Variants in NXPE2 observed in about 807,000 individuals in gnomAD.
NXPE2 encodes NXPE family member 2.
A neutral mutation model predicts 34.4 loss-of-function variants in NXPE2; 34 were observed. The ratio of observed to expected loss-of-function variants is 0.99; its 90% CI spans 0.75 to 1.31. NXPE2 has a LOEUF of 1.31. Among genes scored for constraint, NXPE2 ranks in the 40% most tolerant of loss-of-function variants. The pLI, the probability that NXPE2 is intolerant of heterozygous loss-of-function variation, is 0.00. For missense variants in NXPE2, 649 were observed against 672.5 expected (o/e 0.97, Z 0.39); for synonymous variants, 235 against 231.3 (o/e 1.02, Z -0.15).
the NXPE2 span, among the ~76,000 whole-genome samples, chr11:114,723,198 A>G: frequency 6.6e-6 from 1 of 152,190 alleles, no homozygotes; most frequent in Non-Finnish European, 1.5e-5. Flanking sequence ...TATTTGTAAA[A>G]TTGTATTTCT....
At chr11:114,773,288 C>CACCCCG in the NXPE2 span, among the ~76,000 whole-genome samples, 13 of 95,868 alleles carry the variant, frequency 1.4e-4, 1 homozygote, top group Admixed American at 8.5e-4. Context: ...CACCCCCCCC[C>CACCCCG]CACCCCATTC....
chr11:114,787,907 C>T, the NXPE2 span, among the ~76,000 whole-genome samples: 1 of 152,152 alleles, frequency 6.6e-6, no homozygotes, highest in African/African-American at 2.4e-5. Flanking sequence ...GGACTCGGCT[C>T]TTTCCCGCTT....
chr11:114,745,998 C>T, the NXPE2 span, among the ~76,000 whole-genome samples: 38 of 151,940 alleles, frequency 2.5e-4, no homozygotes, highest in Non-Finnish European at 8.8e-5. Flanking sequence ...TAACATAATA[C>T]ATTTTGTATA....
chr11:114,523,587 C>T, the NXPE2 span, among the ~76,000 whole-genome samples: 1 of 152,170 alleles, frequency 6.6e-6, no homozygotes. Flanking sequence ...CCTAGCTTGA[C>T]AATTTTTTGT....
chr11:114,645,003 TATTAA>T, the NXPE2 span, among the ~76,000 whole-genome samples: 1 of 151,450 alleles, frequency 6.6e-6, no homozygotes, highest in South Asian at 2.1e-4. Context: ...TTATTCACAC[TATTAA>T]AAAAAAAAAC....
chr11:114,648,772 G>A, the NXPE2 span, among the ~76,000 whole-genome samples: 1 of 152,092 alleles, frequency 6.6e-6, no homozygotes, highest in African/African-American at 2.4e-5. Flanking sequence ...CTCCAGAAAA[G>A]GAGATAAAGT....
At chr11:114,484,569 GAT>G in the NXPE2 span, among the ~76,000 whole-genome samples, 2 of 152,046 alleles carry the variant, frequency 1.3e-5, no homozygotes, top group Non-Finnish European at 2.9e-5. Flanking sequence ...CTTGATTTAT[GAT>G]CTACAATATA....
chr11:114,628,105 G>A, the NXPE2 span, among the ~76,000 whole-genome samples: 1 of 147,816 alleles, frequency 6.8e-6, no homozygotes, highest in African/African-American at 2.6e-5. Context: ...ACATTAGACA[G>A]ATCAATGAGA....
At chr11:114,491,161 T>A in the NXPE2 span, among the ~76,000 whole-genome samples, 1 of 31,720 alleles carries the variant, frequency 3.2e-5, no homozygotes, top group African/African-American at 2.5e-4. Flanking sequence ...AGAGCGAGAC[T>A]CCGTCTCAAA....
chr11:114,613,641 T>C, the NXPE2 span, among the ~76,000 whole-genome samples: 1 of 151,904 alleles, frequency 6.6e-6, no homozygotes, highest in Non-Finnish European at 1.5e-5. Flanking sequence ...GGATAACAAG[T>C]GTTGCCTTTG....
chr11:114,468,351 G>A, the NXPE2 span, among the ~76,000 whole-genome samples: 1 of 152,124 alleles, frequency 6.6e-6, no homozygotes, highest in African/African-American at 2.4e-5. Flanking sequence ...CCCAGGGTAA[G>A]TATGGCCACA....
the NXPE2 span, among the ~76,000 whole-genome samples, chr11:114,515,874 C>T: frequency 2.0e-5 from 3 of 152,012 alleles, no homozygotes; most frequent in South Asian, 2.1e-4. Flanking sequence ...AGAAAAATCA[C>T]CATAAAGCTT....
the NXPE2 span, among the ~76,000 whole-genome samples, chr11:114,556,724 T>C: frequency 6.6e-6 from 1 of 152,236 alleles, no homozygotes; most frequent in African/African-American, 2.4e-5. Flanking sequence ...TTAATACTGT[T>C]CTATGAGAAA....
At chr11:114,554,720 T>C in the NXPE2 span, among the ~76,000 whole-genome samples, 1 of 152,224 alleles carries the variant, frequency 6.6e-6, no homozygotes, top group Non-Finnish European at 1.5e-5. Flanking sequence ...TGACTTCAAG[T>C]CGCTAAGCCA....
chr11:114,558,216 A>G, the NXPE2 span, among the ~76,000 whole-genome samples: 135 of 152,190 alleles, frequency 8.9e-4, no homozygotes, highest in Middle Eastern at 6.8e-3. Flanking sequence ...GTGTGTGTGT[A>G]TATATATATC....
At chr11:114,724,042 TTC>T in the NXPE2 span, among the ~76,000 whole-genome samples, 5 of 152,114 alleles carry the variant, frequency 3.3e-5, no homozygotes, top group Non-Finnish European at 4.4e-5. Context: ...CTAAGAAACT[TTC>T]TGTTTCCTTT....
the NXPE2 span, among the ~76,000 whole-genome samples, chr11:114,746,581 G>A: frequency 6.6e-6 from 1 of 152,166 alleles, no homozygotes; most frequent in African/African-American, 2.4e-5. Flanking sequence ...GCTGGGCATG[G>A]TGGCTCATGC....
chr11:114,724,772 A>T, the NXPE2 span, among the ~76,000 whole-genome samples: 3 of 135,330 alleles, frequency 2.2e-5, no homozygotes, highest in Non-Finnish European at 4.7e-5. Context: ...TACCTTTTCC[A>T]CCCCTCTCTG....
the NXPE2 span, among the ~76,000 whole-genome samples, chr11:114,580,588 A>G: frequency 6.6e-6 from 1 of 152,128 alleles, no homozygotes; most frequent in South Asian, 2.1e-4. Context: ...CAGAAAAAAA[A>G]TGGCTTTCTG....
Sources: allele counts gnomAD v4.1 joint callset (sites outside exome capture counted in the v4.1 genomes callset), GRCh38; gene constraint gnomAD v4.1.1; transcripts MANE v1.5; gene names NCBI Gene and HGNC (gene_info 2026-07-23, HGNC 2026-07-21).